The following HHLA1 variants were observed in gnomAD, a reference collection of about 807,000 sequenced individuals.
HHLA1 encodes HHLA1 neighbor of OC90.
HHLA1 carries 72 observed loss-of-function variants against 69.9 expected under a neutral mutation model. The observed-to-expected ratio is 1.03, with a 90% CI of 0.85 to 1.25. HHLA1 has a LOEUF of 1.25. HHLA1 is among the 50% of genes most tolerant of loss of function. HHLA1 has a pLI of 0.00. For missense variants in HHLA1, 685 were observed against 642.2 expected (o/e 1.07, Z -0.72); for synonymous variants, 252 against 233.2 (o/e 1.08, Z -0.73).
At position 132,077,918 on chromosome 8, in the gene HHLA1, C is replaced by T; in HGVS notation, c.979G>A (p.Ala327Thr). The T allele has an allele frequency of 1.3e-6, 2 of 1,551,538 alleles. No homozygotes were observed. The highest frequency in any genetic ancestry group is 8.7e-7 in the Non-Finnish European group (1 of 1,146,922). Residue 327 changes from alanine (A) to threonine (T), a missense_variant, in exon 12 of 17, where the codon GCT becomes ACT. Physicochemically the swap from Ala to Thr is moderately conservative, Grantham distance 58 (BLOSUM62 0). Transcript: ENST00000414222. ...QWLTADRQTW[A>T]SISSVPWAQT... ...GCCCAGGGCACGGACGATATGGAAGCCCACGTCTGTCTGTCAGCTGTCAAC... is the reference window on the plus strand; with the variant it reads ...GCCCAGGGCACGGACGATATGGAAGTCCACGTCTGTCTGTCAGCTGTCAAC...
chr8:132,070,975 T>A (rs540971572), intron 15 of HHLA1, among the ~76,000 whole-genome samples: 1 of 151,258 alleles, frequency 6.6e-6, no homozygotes, highest in Non-Finnish European at 1.5e-5. Context: ...TCTCAACTCA[T>A]CACAGCTTAA....
chr8:132,090,586 G>A (rs1823931273), intron 7 of HHLA1, among the ~76,000 whole-genome samples: 1 of 152,090 alleles, frequency 6.6e-6, no homozygotes, highest in East Asian at 1.9e-4. Flanking sequence ...AACAGATGAT[G>A]GGCACTACTA....
rs56123548 is a variant in HHLA1 at position 132,101,582 on chromosome 8, A to ATT, written c.140-1450_140-1449dup. 6.7e-4 allele frequency among the ~76,000 whole-genome samples: 97 copies of ATT among 145,308 alleles called. 1 individual carries two copies. The highest frequency in any genetic ancestry group is 1.3e-3 in the South Asian group (6 of 4,536). On this transcript the variant is annotated intron_variant, in intron 3 of 16. Transcript: ENST00000414222. ...ACTTAACATGAAATCTACCCTATTA[A>ATT]TTTTTTTTTTTTTTGAGATGGAGTC...
chr8:132,080,183 T>C, intron 10 of HHLA1: 4 of 685,866 alleles, frequency 5.8e-6, no homozygotes, highest in Middle Eastern at 2.4e-4. Flanking sequence ...CTCTGGTACA[T>C]GTCTTTGGAA....
intron 15 of HHLA1, 55 bp downstream of exon 15, chr8:132,071,285 G>A (rs769433050): frequency 5.2e-5 from 77 of 1,484,480 alleles, no homozygotes; most frequent in Middle Eastern, 3.5e-4. Flanking sequence ...AAAGCCACAC[G>A]GAATAAGAAA....
At chr8:132,074,336 T>G (rs1823598905) in intron 14 of HHLA1, among the ~76,000 whole-genome samples, 1 of 152,126 alleles carries the variant, frequency 6.6e-6, no homozygotes, top group Non-Finnish European at 1.5e-5. Context: ...CAGCTTTTTT[T>G]TTTTTCACAT....
intron 1 of HHLA1, among the ~76,000 whole-genome samples, chr8:132,108,966 A>G (rs1586738121): frequency 6.6e-6 from 1 of 152,290 alleles, no homozygotes; most frequent in East Asian, 1.9e-4. Context: ...AGTGATATAT[A>G]AGTCCCCAAG....
At chr8:132,066,918 G>A (rs1823450315) in intron 15 of HHLA1, among the ~76,000 whole-genome samples, 1 of 152,228 alleles carries the variant, frequency 6.6e-6, no homozygotes, top group South Asian at 2.1e-4. Context: ...TAGGCAATAA[G>A]ATCAGTATTT....
chr8:132,100,314 G>C (rs1824092253), intron 3 of HHLA1, among the ~76,000 whole-genome samples, 180 bp from the exon 4 acceptor site: 1 of 152,188 alleles, frequency 6.6e-6, no homozygotes, highest in African/African-American at 2.4e-5. Context: ...TCTAATCTCT[G>C]TGGGGTGGCT....
chr8:132,076,359 G>A (rs565429467), intron 13 of HHLA1, 116 bp downstream of exon 13: 1 of 773,634 alleles, frequency 1.3e-6, no homozygotes, highest in East Asian at 2.7e-5. Context: ...CAATAAAGCA[G>A]AGTAACCTGC....
At chr8:132,104,784 TC>T (rs1450141590) in intron 2 of HHLA1, among the ~76,000 whole-genome samples, 1 of 151,986 alleles carries the variant, frequency 6.6e-6, no homozygotes, top group East Asian at 1.9e-4. Flanking sequence ...AAGTAGGAAC[TC>T]CGCAAATAAT....
intron 7 of HHLA1, among the ~76,000 whole-genome samples, chr8:132,094,093 C>G (rs114599709): frequency 0.017 from 2,661 of 152,280 alleles, 80 homozygotes; most frequent in African/African-American, 0.057. Context: ...TAGATCCACT[C>G]AAAAGTCTAA....
intron 10 of HHLA1, among the ~76,000 whole-genome samples, chr8:132,081,323 A>G (rs1338558553): frequency 6.6e-6 from 1 of 152,234 alleles, no homozygotes; most frequent in Non-Finnish European, 1.5e-5. Context: ...AGGAGCCTAA[A>G]TGGGCTGTAC....
intron 16 of HHLA1, among the ~76,000 whole-genome samples, chr8:132,065,561 C>T (rs535705498): frequency 2.6e-5 from 4 of 152,324 alleles, no homozygotes; most frequent in South Asian, 4.1e-4. Context: ...GGATTACAGG[C>T]GTGAGCCACC....
In HHLA1 at chr8:132,075,124, T is replaced by C. The variant is rs74489966; in HGVS notation, c.1315+931A>G. On this transcript the variant is annotated intron_variant, in intron 14 of 16. Coordinates refer to ENST00000414222, the MANE Select transcript of HHLA1 (RefSeq NM_001145095.3). Reference sequence around the variant, plus strand: ...GAGAAAAGGGATATAATTTCCTTAGTAGCATAATCACATCTTTGTGTCTGA... The same window carrying C: ...GAGAAAAGGGATATAATTTCCTTAGCAGCATAATCACATCTTTGTGTCTGA... Among the ~76,000 whole-genome samples, 729 of 152,334 alleles carry C rather than the reference T, an allele frequency of 4.8e-3. 4 individuals carry two copies. Among genetic ancestry groups the C allele is most frequent in the East Asian group, 0.028 (145 of 5,186 alleles).
chr8:132,078,679 A>G (rs1299982931), intron 11 of HHLA1, among the ~76,000 whole-genome samples: 3 of 152,154 alleles, frequency 2.0e-5, no homozygotes, highest in South Asian at 4.1e-4. Context: ...CTGGATCATA[A>G]CTATTGGTTT....
intron 14 of HHLA1, among the ~76,000 whole-genome samples, chr8:132,075,102 A>T (rs1469137033): frequency 6.6e-6 from 1 of 152,210 alleles, no homozygotes. Flanking sequence ...CTCCTGGGAG[A>T]AAAGGGATAT....
intron 1 of HHLA1, among the ~76,000 whole-genome samples, chr8:132,108,945 C>T (rs1362196861): frequency 6.6e-6 from 1 of 152,226 alleles, no homozygotes; most frequent in Non-Finnish European, 1.5e-5. Context: ...AATCGGTCAC[C>T]TTATTGTTAA....
chr8:132,085,492 A>T, intron 10 of HHLA1: 1 of 377,476 alleles, frequency 2.6e-6, no homozygotes, highest in South Asian at 1.9e-5. Flanking sequence ...AGCAAAGAAC[A>T]GGAGGACGGG....
Sources: allele counts gnomAD v4.1 joint callset (sites outside exome capture counted in the v4.1 genomes callset), GRCh38; gene constraint gnomAD v4.1.1; transcripts MANE v1.5; gene names NCBI Gene and HGNC (gene_info 2026-07-23, HGNC 2026-07-21).